CDH17: variants seen among roughly 807,000 people sequenced by gnomAD.
CDH17 encodes cadherin 17.
Under a neutral mutation model 86.3 loss-of-function variants are expected in CDH17, and 67 were observed. That is an observed-to-expected ratio of 0.78 (90% CI 0.64 to 0.95). The LOEUF is 0.95. CDH17 is among the 40% of genes least tolerant of loss of function. CDH17 has a pLI of 0.00. For synonymous variants in CDH17, 367 were observed against 366.4 expected, an observed-to-expected ratio of 1.00 and a Z score of -0.02; for missense variants, 993 against 1,017.6, an observed-to-expected ratio of 0.98 and a Z score of 0.33.
chr8:94,139,074 G>A (rs992921035), intron 15 of CDH17, among the ~76,000 whole-genome samples: 4 of 152,068 alleles, frequency 2.6e-5, no homozygotes, highest in Non-Finnish European at 5.9e-5. Flanking sequence ...AGTGGGAAAA[G>A]ACATGAAAAC....
chr8:94,213,536 C>G (rs1470627141), upstream of CDH17, among the ~76,000 whole-genome samples: 1 of 151,824 alleles, frequency 6.6e-6, no homozygotes, highest in African/African-American at 2.4e-5. Context: ...GACAGCTAAG[C>G]TTTTTATTTG....
chr8:94,141,271 G>GAAA (rs142414503), intron 15 of CDH17, among the ~76,000 whole-genome samples: 1 of 148,478 alleles, frequency 6.7e-6, no homozygotes. Context: ...TCCAATTTAG[G>GAAA]AAAAAAAAAA....
At chr8:94,177,362 G>T (rs1813393798) in intron 4 of CDH17, among the ~76,000 whole-genome samples, 1 of 152,218 alleles carries the variant, frequency 6.6e-6, no homozygotes, top group Non-Finnish European at 1.5e-5. Context: ...TCCTGGCAAT[G>T]TAAGTGGGGT....
At chr8:94,158,672 A>T (rs1018959280) in intron 12 of CDH17, among the ~76,000 whole-genome samples, 1 of 152,136 alleles carries the variant, frequency 6.6e-6, no homozygotes, top group African/African-American at 2.4e-5. Flanking sequence ...GGAGGTTGTC[A>T]TGGTACCTTT....
At chr8:94,209,881 T>C (rs762587015), upstream of CDH17, among the ~76,000 whole-genome samples, 30 of 151,842 alleles carry the variant, frequency 2.0e-4, no homozygotes, top group Non-Finnish European at 2.1e-4. Context: ...TGGGTCTTCT[T>C]TGAAAATTTT....
At chr8:94,176,794 G>A in intron 4 of CDH17, 115 bp from the exon 5 acceptor site, 1 of 1,075,706 alleles carries the variant, frequency 9.3e-7, no homozygotes, top group African/African-American at 1.6e-5. Context: ...GACTGTAGGA[G>A]AGAAAGAACT....
intron 11 of CDH17, among the ~76,000 whole-genome samples, chr8:94,160,492 A>G (rs1344765746): frequency 6.6e-6 from 1 of 152,222 alleles, no homozygotes; most frequent in Admixed American, 6.5e-5. Flanking sequence ...TTGAGTATCT[A>G]TCAGGTGGTA....
intron 2 of CDH17, among the ~76,000 whole-genome samples, 155 bp from the exon 3 acceptor site, chr8:94,189,440 C>T (rs1220569232): frequency 6.6e-6 from 1 of 152,010 alleles, no homozygotes; most frequent in South Asian, 2.1e-4. Context: ...GCTGTTGAAG[C>T]TCTACCACGT....
intron 12 of CDH17, among the ~76,000 whole-genome samples, chr8:94,153,306 C>T (rs1380949226): frequency 6.6e-6 from 1 of 151,992 alleles, no homozygotes; most frequent in Non-Finnish European, 1.5e-5. Flanking sequence ...CAAATTAAAA[C>T]CCCAATGAGA....
chr8:94,174,244 A>G lies in CDH17; in HGVS notation c.441T>C (p.Tyr147=), dbSNP rs1586261830. 6.2e-7 allele frequency: 1 copy of G among 1,611,736 alleles called. No homozygotes were observed. The highest frequency in any genetic ancestry group is 8.5e-7 in the Non-Finnish European group (1 of 1,179,108). Residue 147 remains tyrosine (Y), a synonymous_variant, in exon 6 of 18, where the codon TAT becomes TAC. Transcript: ENST00000027335. The part of the protein sequence containing the change: ...QNSRPGKPFL[Y]VNATDLDDPA... ...GATCATCCAGGTCTGTGGCATTGAC[A>G]TACAAGAAGGGCTTTCCTGTTTAAC...
chr8:94,170,254 G>T (rs990629777), intron 9 of CDH17, 143 bp downstream of exon 9: 2 of 798,626 alleles, frequency 2.5e-6, no homozygotes, highest in Non-Finnish European at 4.0e-6. Context: ...CGGTCCTTAC[G>T]TGACTCCCAA....
At chr8:94,175,841 G>A (rs1321370309) in intron 5 of CDH17, among the ~76,000 whole-genome samples, 1 of 152,134 alleles carries the variant, frequency 6.6e-6, no homozygotes, top group Non-Finnish European at 1.5e-5. Context: ...TTTCTAGAGT[G>A]TTCTAGAGCT....
chr8:94,144,972 C>G (rs1352669409), intron 15 of CDH17, among the ~76,000 whole-genome samples: 1 of 152,288 alleles, frequency 6.6e-6, no homozygotes, highest in African/African-American at 2.4e-5. Flanking sequence ...TCCACTCCCA[C>G]TGGAATGGCT....
intron 2 of CDH17, among the ~76,000 whole-genome samples, chr8:94,194,392 G>T (rs150377878): frequency 6.6e-6 from 1 of 152,292 alleles, no homozygotes; most frequent in Non-Finnish European, 1.5e-5. Flanking sequence ...CCCATAACTG[G>T]TGTTGGCTTT....
intron 1 of CDH17, among the ~76,000 whole-genome samples, chr8:94,213,726 G>A (rs922281889): frequency 2.8e-4 from 42 of 152,210 alleles, no homozygotes; most frequent in African/African-American, 8.7e-4. Context: ...CACCGAGGTT[G>A]CCAACAACCT....
chr8:94,134,168 A>G (rs1812475843), intron 15 of CDH17, among the ~76,000 whole-genome samples: 1 of 152,260 alleles, frequency 6.6e-6, no homozygotes, highest in African/African-American at 2.4e-5. Flanking sequence ...AGCTGGCCTC[A>G]TAAAATGAGT....
Position 94,189,303 on chromosome 8 carries a change from GA to G in CDH17, c.52-19del. 1 of 1,558,452 alleles carries G rather than the reference GA, an allele frequency of 6.4e-7. No individual in the cohort carries two copies. The highest frequency in any genetic ancestry group is 8.8e-7 in the Non-Finnish European group (1 of 1,139,386). ...CCAGTTGCCTGTTAAAAAAGAAAGA[GA>G]AAATTAGCATCTTGTATGAAGTGTC... is the stretch of plus-strand genomic sequence containing the variant. On this transcript the variant is annotated intron_variant, in intron 2 of 17. Transcript: ENST00000027335.
At chr8:94,172,847 G>A (rs1474905020) in intron 7 of CDH17, among the ~76,000 whole-genome samples, 1 of 152,118 alleles carries the variant, frequency 6.6e-6, no homozygotes, top group Admixed American at 6.5e-5. Flanking sequence ...TGAACGGAGG[G>A]GAGAGGCACA....
chr8:94,206,152 C>T (rs1473957604), intron 1 of CDH17, among the ~76,000 whole-genome samples: 2 of 144,490 alleles, frequency 1.4e-5, no homozygotes, highest in African/African-American at 5.0e-5. Flanking sequence ...TAGCTTGTTA[C>T]GTATTGCTTA....
Sources: gnomAD v4.1 joint callset for allele counts (sites outside exome capture counted in the v4.1 genomes callset) on GRCh38, gnomAD v4.1.1 for gene constraint, MANE v1.5 for transcripts, NCBI Gene and HGNC (gene_info 2026-07-23, HGNC 2026-07-21) for gene names.